TMPRSS7: variants seen among roughly 807,000 people sequenced by gnomAD.
TMPRSS7 encodes transmembrane protease serine 7.
In TMPRSS7, 81 loss-of-function variants were observed where a neutral mutation model predicts 95.6. The ratio of observed to expected loss-of-function variants is 0.85; its 90% CI spans 0.71 to 1.02. The LOEUF (loss-of-function observed/expected upper bound fraction) is 1.02. Ranked by LOEUF, TMPRSS7 falls within the 50% of genes least tolerant of loss-of-function variation. The pLI, the probability that TMPRSS7 is intolerant of heterozygous loss-of-function variation, is 0.00. For synonymous variants in TMPRSS7, 364 were observed against 337.8 expected, an observed-to-expected ratio of 1.08 and a Z score of -0.85; for missense variants, 945 against 955.2, an observed-to-expected ratio of 0.99 and a Z score of 0.14.
intron 13 of TMPRSS7, among the ~76,000 whole-genome samples, chr3:112,070,663 T>C (rs1416771447): frequency 6.6e-6 from 1 of 152,254 alleles, no homozygotes; most frequent in East Asian, 1.9e-4. Context: ...CTGCTTTTTT[T>C]TGCTTTTCAT....
chr3:112,076,840 A>C, intron 15 of TMPRSS7, 36 bp from the exon 16 acceptor site: 1 of 1,598,518 alleles, frequency 6.3e-7, no homozygotes, highest in South Asian at 1.1e-5. Flanking sequence ...TGGTTCTTTA[A>C]GCTGCTAACT....
chr3:112,044,512 A>C (rs1048956306), intron 4 of TMPRSS7, among the ~76,000 whole-genome samples, 190 bp downstream of exon 4: 1 of 151,978 alleles, frequency 6.6e-6, no homozygotes, highest in African/African-American at 2.4e-5. Context: ...CTCTTTATCC[A>C]CCAAATCCCG....
At chr3:112,046,322 ATGT>A (rs1034439866) in intron 5 of TMPRSS7, among the ~76,000 whole-genome samples, 5 of 152,202 alleles carry the variant, frequency 3.3e-5, no homozygotes, top group Admixed American at 2.6e-4. Context: ...TTACTGTGTA[ATGT>A]TGTCCAACAC....
At chr3:112,070,679 T>C (rs1431663343) in intron 13 of TMPRSS7, among the ~76,000 whole-genome samples, 1 of 152,238 alleles carries the variant, frequency 6.6e-6, no homozygotes, top group Admixed American at 6.5e-5. Context: ...TTCATTTGCT[T>C]GGTAGATCTT....
intron 9 of TMPRSS7, among the ~76,000 whole-genome samples, chr3:112,051,664 CT>C (rs1223727579): frequency 3.0e-4 from 34 of 111,794 alleles, no homozygotes; most frequent in South Asian, 9.4e-4. Flanking sequence ...ATCTATCTAT[CT>C]ATCATCTATC....
At chr3:112,043,587 T>C (rs1298576024) in intron 3 of TMPRSS7, among the ~76,000 whole-genome samples, 1 of 152,208 alleles carries the variant, frequency 6.6e-6, no homozygotes. Flanking sequence ...TGTTTTTAAA[T>C]CTTGGGCAAT....
At chr3:112,059,792 T>C (rs985164241) in intron 10 of TMPRSS7, among the ~76,000 whole-genome samples, 9 of 152,340 alleles carry the variant, frequency 5.9e-5, no homozygotes, top group Middle Eastern at 3.4e-3. Flanking sequence ...AACACATGAA[T>C]GCTTTCCTCC....
At chr3:112,046,538 C>G (rs567383763) in intron 5 of TMPRSS7, among the ~76,000 whole-genome samples, 30 of 152,070 alleles carry the variant, frequency 2.0e-4, no homozygotes, top group Non-Finnish European at 3.5e-4. Context: ...ATTATACACA[C>G]ACACATACAC....
At chr3:112,036,579 A>C (rs950896138) in intron 1 of TMPRSS7, among the ~76,000 whole-genome samples, 3 of 151,294 alleles carry the variant, frequency 2.0e-5, no homozygotes, top group Non-Finnish European at 4.4e-5. Context: ...AAAAAAAAAA[A>C]GGAGGGGGGA....
At chr3:112,041,591 G>C (rs978961019) in intron 2 of TMPRSS7, among the ~76,000 whole-genome samples, 1 of 152,092 alleles carries the variant, frequency 6.6e-6, no homozygotes. Context: ...CCTTCAGAGA[G>C]CCCATAAAGG....
At chr3:112,062,686 G>A (rs2107753125) in intron 11 of TMPRSS7, among the ~76,000 whole-genome samples, 1 of 152,224 alleles carries the variant, frequency 6.6e-6, no homozygotes, top group Non-Finnish European at 1.5e-5. Flanking sequence ...CAGAGTCACA[G>A]GTAGATAAAG....
At position 112,052,548 on chromosome 3, in the gene TMPRSS7, G is replaced by C. The variant is rs376063753; in HGVS notation, c.1203+1765G>C. 2.0e-4 allele frequency among the ~76,000 whole-genome samples: 30 copies of C among 152,248 alleles called. No individual in the cohort carries two copies. The South Asian group carries it at 3.7e-3, about 19-fold the overall frequency. On this transcript the variant is annotated intron_variant, in intron 9 of 17. Coordinates refer to ENST00000452346, the Ensembl canonical transcript of TMPRSS7. Reference sequence around the variant, plus strand: ...GTGCTGGACCCTTGCTCACTGCCAGGTTCTCAAGGCTTCAGGGCAGCAGAA... The same window carrying C: ...GTGCTGGACCCTTGCTCACTGCCAGCTTCTCAAGGCTTCAGGGCAGCAGAA...
chr3:112,063,909 A>G (rs2073543837), intron 12 of TMPRSS7, among the ~76,000 whole-genome samples: 1 of 152,154 alleles, frequency 6.6e-6, no homozygotes, highest in African/African-American at 2.4e-5. Flanking sequence ...AATCAGCTCT[A>G]CTTTTGATGG....
intron 10 of TMPRSS7, among the ~76,000 whole-genome samples, chr3:112,060,987 G>T (rs886922815): frequency 1.2e-4 from 18 of 152,106 alleles, no homozygotes; most frequent in South Asian, 4.2e-4. Flanking sequence ...GCTTCAGCCG[G>T]TCCCTCCATT....
intron 3 of TMPRSS7, among the ~76,000 whole-genome samples, chr3:112,043,784 T>G (rs551503698): frequency 6.6e-6 from 1 of 152,186 alleles, no homozygotes; most frequent in Non-Finnish European, 1.5e-5. Context: ...TAGAGTTTGT[T>G]ATGAAGGGGG....
chr3:112,061,876 C>T, exon 11 of TMPRSS7: 1 of 1,611,748 alleles, frequency 6.2e-7, no homozygotes, highest in Non-Finnish European at 8.5e-7. Context: ...TCAAGGCTTT[C>T]AGACAAGCCA....
intron 10 of TMPRSS7, among the ~76,000 whole-genome samples, chr3:112,061,323 GCACGT>G (rs1460354806): frequency 2.4e-4 from 36 of 152,286 alleles, no homozygotes; most frequent in African/African-American, 7.9e-4. Context: ...GCCCTTATGT[GCACGT>G]CAGATTTCAA....
At chr3:112,035,447 G>A (rs926829574) in intron 1 of TMPRSS7, among the ~76,000 whole-genome samples, 11 of 152,162 alleles carry the variant, frequency 7.2e-5, no homozygotes, top group Non-Finnish European at 5.9e-5. Flanking sequence ...TTGGCAAAAA[G>A]AATGAAGGGG....
chr3:112,074,411 C>T, exon 14 of TMPRSS7: 3 of 1,606,308 alleles, frequency 1.9e-6, no homozygotes, highest in Non-Finnish European at 2.6e-6. Context: ...AAGAAGGCTG[C>T]AGTAAGTAGA....
Sources: allele counts gnomAD v4.1 joint callset (sites outside exome capture counted in the v4.1 genomes callset), GRCh38; gene constraint gnomAD v4.1.1; transcripts MANE v1.5; gene names NCBI Gene and HGNC (gene_info 2026-07-23, HGNC 2026-07-21).